SPEG: variants seen among roughly 807,000 people sequenced by gnomAD.
SPEG encodes striated muscle preferentially expressed protein kinase.
SPEG carries 114 observed loss-of-function variants against 300.4 expected under a neutral mutation model. The ratio of observed to expected loss-of-function variants is 0.38; its 90% CI spans 0.33 to 0.44. The LOEUF (loss-of-function observed/expected upper bound fraction) is 0.44, where lower values mean the gene tolerates loss of function less well. Ranked by LOEUF, SPEG falls within the 20% of genes least tolerant of loss-of-function variation. SPEG has a pLI of 1.00. For synonymous variants in SPEG, 1,964 were observed against 2,018.9 expected (o/e 0.97, Z 0.73); for missense variants, 4,201 against 4,586.2 (o/e 0.92, Z 2.43).
chr2:219,466,204 T>TCCCCA (rs1392631870), intron 9 of SPEG: 2 of 1,421,878 alleles, frequency 1.4e-6, no homozygotes, highest in Non-Finnish European at 1.9e-6. Context: ...CAGCCTCCCC[T>TCCCCA]CCCCACCCCA....
chr2:219,490,702 G>T, intron 37 of SPEG, 31 bp from the exon 38 acceptor site: 3 of 1,611,418 alleles, frequency 1.9e-6, no homozygotes, highest in Non-Finnish European at 2.5e-6. Flanking sequence ...GGCTGGGCCG[G>T]GTATCATCTG....
intron 7 of SPEG, 76 bp from the exon 8 acceptor site, chr2:219,462,222 C>T (rs370179596): frequency 1.7e-5 from 23 of 1,316,334 alleles, no homozygotes; most frequent in East Asian, 5.1e-5. Context: ...AAGAGTCCTC[C>T]GTCTCAGATT....
chr2:219,488,703 G>A (rs767365619), intron 33 of SPEG, 38 bp downstream of exon 33: 3 of 1,605,686 alleles, frequency 1.9e-6, no homozygotes, highest in African/African-American at 1.3e-5. Flanking sequence ...GTAGTGATGG[G>A]GATGGTGGGA....
At chr2:219,447,797 C>T (rs1414195851) in intron 3 of SPEG, among the ~76,000 whole-genome samples, 177 bp from the exon 4 acceptor site, 1 of 151,834 alleles carries the variant, frequency 6.6e-6, no homozygotes, top group African/African-American at 2.4e-5. Flanking sequence ...GGCCTCTCCC[C>T]AGCACCTGCT....
In SPEG at chr2:219,483,991, C is replaced by T. The variant is rs898742870; in HGVS notation, c.6528C>T (p.Ser2176=). Residue 2176 remains serine (S), a synonymous_variant, in exon 30 of 41, where the codon TCC becomes TCT. Coordinates refer to ENST00000312358, the MANE Select transcript of SPEG (RefSeq NM_005876.5). ...SLSALSEAQP[S]SPARPSAPKP... ...CTGCCCTCAGCGAGGCCCAGCCATCCAGCCCTGCACGGCCCAGCGCCCCCA... is the reference window on the plus strand; with the variant it reads ...CTGCCCTCAGCGAGGCCCAGCCATCTAGCCCTGCACGGCCCAGCGCCCCCA... 6.2e-7 allele frequency: 1 copy of T among 1,611,970 alleles called. No individual in the cohort carries two copies. The highest frequency in any genetic ancestry group is 8.5e-7 in the Non-Finnish European group (1 of 1,179,922).
chr2:219,435,236 G>T lies in SPEG; in HGVS notation c.259G>T (p.Ala87Ser), dbSNP rs755987829. The T allele has an allele frequency of 2.6e-5, 39 of 1,475,952 alleles. No homozygotes were observed. Among genetic ancestry groups the T allele is most frequent in the Non-Finnish European group, 3.2e-5 (36 of 1,123,812 alleles). The allele number at this position is 1,475,952 out of a possible 1,614,324, so 91.4% of individuals were successfully genotyped here. ...GGATGGGCAGCTCCTGCCCGCGCCGGCCCCCGAGCCCAGCTGCCTGTGGCT... is the reference window on the plus strand; with the variant it reads ...GGATGGGCAGCTCCTGCCCGCGCCGTCCCCCGAGCCCAGCTGCCTGTGGCT... ...FRDGQLLPAP[A>S]PEPSCLWLRR... is the part of the protein sequence containing the mutation. Residue 87 changes from alanine (A) to serine (S), a missense_variant, in exon 1 of 41, where the codon GCC (alanine) becomes TCC (serine). Around this residue, in one of 4 missense-constraint regions of SPEG, gnomAD observed 1,258 missense variants for 1,293.9 expected, o/e 0.97. Transcript: ENST00000312358.
rs1689038378 is a variant in SPEG at position 219,443,003 on chromosome 2, C to G, written c.389-1650C>G. The G allele has an allele frequency of 1.1e-5, 10 of 917,422 alleles. No individual in the cohort carries two copies. Among genetic ancestry groups the G allele is most frequent in the Non-Finnish European group, 1.7e-5 (10 of 581,398 alleles). The allele number at this position is 917,422 out of a possible 1,614,324, so 56.8% of individuals were successfully genotyped here. ...ACCTCCCCTCTCACACACACACTGG[C>G]CAGGGAATGAGTTTCTGCTTGATGT... On this transcript the variant is annotated intron_variant, in intron 1 of 40. Coordinates refer to ENST00000312358, the MANE Select transcript of SPEG (RefSeq NM_005876.5). This position sits in a 1 kb window ranked among gnomAD's most constrained non-coding sequence, Gnocchi z 4.6.
At chr2:219,467,572 T>C in intron 10 of SPEG, 138 bp downstream of exon 10, 1 of 966,894 alleles carries the variant, frequency 1.0e-6, no homozygotes, top group Non-Finnish European at 1.5e-6. Flanking sequence ...GCTAGTACAT[T>C]GCCTTGGCCT....
At position 219,481,955 on chromosome 2, in the gene SPEG, G is replaced by T. The variant is rs1692888624; in HGVS notation, c.5565+275G>T. The T allele has an allele frequency of 1.8e-6, 1 of 570,406 alleles. No homozygotes were observed. Among genetic ancestry groups the T allele is most frequent in the Admixed American group, 3.0e-5 (1 of 33,232 alleles). 35.3% of individuals were successfully genotyped at this position (570,406 alleles called of 1,614,324 possible). A position where few individuals can be genotyped will look rare whatever the true frequency, so the allele number is the denominator to read the frequency against. On this transcript the variant is annotated intron_variant, in intron 28 of 40. Transcript: ENST00000312358. The surrounding 1 kb of genome is among the most constrained non-coding windows in gnomAD (Gnocchi z 5.4). The stretch of plus-strand genomic sequence containing the variant: ...CCTCTCCATCCTGGGCGTCCTCAGT[G>T]GAGTTCTCCCCCATGCTTGAGACCA...
chr2:219,464,851 G>T lies in SPEG; in HGVS notation c.2881+243G>T, dbSNP rs376709873. On this transcript the variant is annotated intron_variant, in intron 9 of 40. Transcript: ENST00000312358. This position sits in a 1 kb window ranked among gnomAD's most constrained non-coding sequence, Gnocchi z 4.5. ...ACTACACAACACCACCTTCCCTGTTGCTCCATCACGGAGCCCTGGCGGCAG... is the reference window on the plus strand; with the variant it reads ...ACTACACAACACCACCTTCCCTGTTTCTCCATCACGGAGCCCTGGCGGCAG... The T allele has an allele frequency of 1.3e-3, 641 of 491,184 alleles. 2 individuals carry two copies. The highest frequency in any genetic ancestry group is 8.7e-3 in the African/African-American group (447 of 51,300). The allele number at this position is 491,184 out of a possible 1,614,324, so 30.4% of individuals were successfully genotyped here. A position where few individuals can be genotyped will look rare whatever the true frequency, so the allele number is the denominator to read the frequency against.
Position 219,468,562 on chromosome 2 carries a change from G to T in SPEG, c.3143-16G>T, listed in dbSNP as rs2125463297. On this transcript the variant is annotated splice_polypyrimidine_tract_variant and intron_variant, in intron 10 of 40. Transcript: ENST00000312358. The stretch of plus-strand genomic sequence containing the variant: ...CCTTAGCCTTCCCTATCTCTGAGCT[G>T]CCCCCTGCCCCACAGATGAGCTGAC... 6.2e-7 allele frequency: 1 copy of T among 1,608,852 alleles called. No individual in the cohort carries two copies. The highest frequency in any genetic ancestry group is 8.5e-7 in the Non-Finnish European group (1 of 1,178,650).
chr2:219,435,408 T>C (rs1954691259), intron 1 of SPEG, 43 bp downstream of exon 1: 1 of 1,502,850 alleles, frequency 6.7e-7, no homozygotes, highest in East Asian at 2.6e-5. Context: ...GGCGGGGTGC[T>C]CAGAGGTAGA....
At chr2:219,485,604 A>G in intron 31 of SPEG, 127 bp downstream of exon 31, 1 of 871,638 alleles carries the variant, frequency 1.1e-6, no homozygotes, top group Non-Finnish European at 1.7e-6. Context: ...GTCTGCTCAG[A>G]CAACTATAAC....
At position 219,451,237 on chromosome 2, in the gene SPEG, G is replaced by T; in HGVS notation, c.2215G>T (p.Val739Leu). 1 of 1,613,840 alleles carries T rather than the reference G, an allele frequency of 6.2e-7. No homozygotes were observed. Among genetic ancestry groups the T allele is most frequent in the South Asian group, 1.1e-5 (1 of 91,070 alleles). Residue 739 changes from valine to leucine, a missense_variant, in exon 5 of 41, where the codon GTG (valine) becomes TTG (leucine). Coordinates refer to ENST00000312358, the MANE Select transcript of SPEG (RefSeq NM_005876.5). The surrounding 1 kb of genome is among the most constrained non-coding windows in gnomAD (Gnocchi z 6.4). ...TGTGGTGGTGGCACCAGGGGCAGAT[G>T]TGCTGCTCAAGTGTATCATCACTGC... Reference protein sequence around the residue: ...QNVVVAPGADVLLKCIITANP... With the variant: ...QNVVVAPGADLLLKCIITANP...
In SPEG at chr2:219,476,922, A is replaced by C. The variant is rs1692398461; in HGVS notation, c.4500A>C (p.Glu1500Asp). ...AGGACGTGGAGGTGGGGGCTGGGGA[A>C]ACTGCTCGCTTTGCGGTGGTGGTCG... ...IMEDVEVGAG[E>D]TARFAVVVEG... Residue 1500 changes from glutamate (E) to aspartate (D), a missense_variant, in exon 19 of 41, where the codon GAA becomes GAC. This residue lies in a region of SPEG where 1,047 missense variants were observed against 1,356.8 expected (regional missense o/e 0.77). Transcript: ENST00000312358. The C allele has an allele frequency of 6.2e-7, 1 of 1,613,408 alleles. No homozygotes were observed. The highest frequency in any genetic ancestry group is 8.5e-7 in the Non-Finnish European group (1 of 1,179,860).
intron 9 of SPEG, chr2:219,466,507 C>T (rs1286457697): frequency 1.8e-6 from 2 of 1,107,162 alleles, no homozygotes; most frequent in East Asian, 1.3e-4. Flanking sequence ...TACGGCATGG[C>T]ATGGAGGGGC....
At position 219,485,025 on chromosome 2, in the gene SPEG, C is replaced by G. The variant is rs1462578688; in HGVS notation, c.7562C>G (p.Ser2521Cys). The G allele has an allele frequency of 2.6e-6, 4 of 1,532,026 alleles. No homozygotes were observed. In the South Asian group the frequency reaches 4.8e-5, roughly 18 times the overall value. The allele number at this position is 1,532,026 out of a possible 1,614,324, so 94.9% of individuals were successfully genotyped here. A position where few individuals can be genotyped will look rare whatever the true frequency, so the allele number is the denominator to read the frequency against. The change falls in exon 30 of 41, where the codon TCC becomes TGC. Residue 2521 changes from serine (S) to cysteine (C), a missense_variant. Coordinates refer to ENST00000312358, the MANE Select transcript of SPEG (RefSeq NM_005876.5). Reference sequence around the variant, plus strand: ...GCCCAGGCCGGCGCCACCACGCCTTCCGCCGAGTCCCTGGGCTCCGAGGCC... The same window carrying G: ...GCCCAGGCCGGCGCCACCACGCCTTGCGCCGAGTCCCTGGGCTCCGAGGCC... ...LAAQAGATTP[S>C]AESLGSEASA...
In SPEG at chr2:219,483,356, A is replaced by T. The variant is rs964317096; in HGVS notation, c.5893A>T (p.Thr1965Ser). The change falls in exon 30 of 41, where the codon ACT (threonine) becomes TCT (serine). Residue 1965 changes from threonine to serine, a missense_variant. Physicochemically the swap from Thr to Ser is moderately conservative, Grantham distance 58. Coordinates refer to ENST00000312358, the MANE Select transcript of SPEG (RefSeq NM_005876.5). ...GGATGAGGCCCTGGGGACCCCAGAG[A>T]CTGGGGCTGCCACCCCCATGGACTG... ...TEDEALGTPE[T>S]GAATPMDWQE... 3 of 1,604,176 alleles carry T rather than the reference A, an allele frequency of 1.9e-6. No homozygotes were observed. The highest frequency in any genetic ancestry group is 3.4e-5 in the Admixed American group (2 of 58,908).
Position 219,484,008 on chromosome 2 carries a change from G to T in SPEG, c.6545G>T (p.Ser2182Ile). 6.2e-7 allele frequency: 1 copy of T among 1,612,828 alleles called. No individual in the cohort carries two copies. The highest frequency in any genetic ancestry group is 8.5e-7 in the Non-Finnish European group (1 of 1,179,832). The change falls in exon 30 of 41, where the codon AGC becomes ATC. Residue 2182 changes from serine (S) to isoleucine (I), a missense_variant. Coordinates refer to ENST00000312358, the MANE Select transcript of SPEG (RefSeq NM_005876.5). ...EAQPSSPARP[S>I]APKPSTPKSA... ...CAGCCATCCAGCCCTGCACGGCCCA[G>T]CGCCCCCAAACCCAGTACCCCTAAG...
Sources: allele counts gnomAD v4.1 joint callset (sites outside exome capture counted in the v4.1 genomes callset), GRCh38; gene constraint gnomAD v4.1.1; regional missense constraint gnomAD v4.1.1; non-coding constraint Gnocchi (gnomAD v3.1); transcripts MANE v1.5; gene names NCBI Gene and HGNC (gene_info 2026-07-23, HGNC 2026-07-21).